DLG1: variants seen among roughly 807,000 people sequenced by gnomAD.
DLG1 encodes discs large MAGUK scaffold protein 1.
Under a neutral mutation model 123.4 loss-of-function variants are expected in DLG1, and 42 were observed. That is an observed-to-expected ratio of 0.34 (90% CI 0.27 to 0.44). DLG1 has a LOEUF of 0.44. Among genes scored for constraint, DLG1 ranks in the 20% least tolerant of loss-of-function variants. The probability of loss-of-function intolerance (pLI) is 1.00; values close to 1 mark genes in which losing one functional copy is unlikely to be tolerated. For missense variants in DLG1, 942 were observed against 1,082.6 expected (o/e 0.87, Z 1.82); for synonymous variants, 317 against 356.2 (o/e 0.89, Z 1.24).
intron 17 of DLG1, among the ~76,000 whole-genome samples, chr3:197,080,265 T>C (rs1047512439): frequency 4.7e-5 from 6 of 127,910 alleles, no homozygotes; most frequent in African/African-American, 1.7e-4. Context: ...TTGATATATT[T>C]CCTTTTTTTT....
chr3:197,129,973 T>C (rs1180577217), intron 11 of DLG1, among the ~76,000 whole-genome samples: 1 of 152,160 alleles, frequency 6.6e-6, no homozygotes, highest in Non-Finnish European at 1.5e-5. Context: ...AAGTTTGAAA[T>C]ATTGCGAGAT....
intron 13 of DLG1, among the ~76,000 whole-genome samples, chr3:197,110,947 A>G (rs1015703817): frequency 6.6e-6 from 1 of 152,078 alleles, no homozygotes. Flanking sequence ...GTCTTTCCTG[A>G]GCATGCGCAC....
At chr3:197,228,648 C>G (rs1474913156) in intron 4 of DLG1, among the ~76,000 whole-genome samples, 3 of 152,084 alleles carry the variant, frequency 2.0e-5, no homozygotes, top group Admixed American at 2.0e-4. Flanking sequence ...GGAAAAATGA[C>G]TAATTTTGAC....
chr3:197,184,445 C>T (rs1386897171), intron 5 of DLG1, among the ~76,000 whole-genome samples: 2 of 152,218 alleles, frequency 1.3e-5, no homozygotes. Flanking sequence ...GCAGATCTTA[C>T]ACATTATCTG....
intron 4 of DLG1, among the ~76,000 whole-genome samples, chr3:197,209,008 G>A (rs1353601070): frequency 2.1e-5 from 3 of 145,470 alleles, no homozygotes; most frequent in Non-Finnish European, 4.6e-5. Flanking sequence ...ATTACTAGAA[G>A]TAATTTAGTA....
At chr3:197,273,071 TA>T (rs1299027645) in intron 4 of DLG1, among the ~76,000 whole-genome samples, 1 of 152,024 alleles carries the variant, frequency 6.6e-6, no homozygotes, top group East Asian at 1.9e-4. Flanking sequence ...ATGCAGTAAT[TA>T]ATCAACCTAT....
At chr3:197,297,716 G>C (rs1433284478) in intron 1 of DLG1, 6 of 987,506 alleles carry the variant, frequency 6.1e-6, no homozygotes, top group Non-Finnish European at 7.2e-6. Flanking sequence ...AGCGGGGGCC[G>C]GACAGGGCAG....
intron 17 of DLG1, among the ~76,000 whole-genome samples, chr3:197,077,347 G>A (rs1747954105): frequency 6.6e-6 from 1 of 152,046 alleles, no homozygotes; most frequent in Non-Finnish European, 1.5e-5. Context: ...AGCACACAGA[G>A]TCCAGCAAGA....
At chr3:197,146,502 T>TA (rs754017023) in intron 6 of DLG1, among the ~76,000 whole-genome samples, 2 of 152,096 alleles carry the variant, frequency 1.3e-5, no homozygotes, top group African/African-American at 2.4e-5. Flanking sequence ...GCCAAATACT[T>TA]ACAGCCACCT....
chr3:197,053,641 G>A (rs901469931), intron 23 of DLG1, among the ~76,000 whole-genome samples: 1 of 151,908 alleles, frequency 6.6e-6, no homozygotes, highest in African/African-American at 2.4e-5. Flanking sequence ...GCACAGTGGT[G>A]AGTCCCTGTA....
chr3:197,135,214 G>A (rs1323535094), intron 10 of DLG1, among the ~76,000 whole-genome samples: 2 of 152,196 alleles, frequency 1.3e-5, no homozygotes, highest in African/African-American at 2.4e-5. Flanking sequence ...AAGGAACATG[G>A]ACTGAGACAG....
Position 197,159,556 on chromosome 3 carries a change from A to G in DLG1, c.484-9760T>C, listed in dbSNP as rs1310783927. On this transcript the variant is annotated intron_variant, in intron 5 of 24. Coordinates refer to ENST00000667157, the MANE Select transcript of DLG1 (RefSeq NM_001366207.1). ...ATCCTAACGCATCTAAATGTAAAGTAGTGGATCTTTTAAGAATACATATTC... is the reference window on the plus strand; with the variant it reads ...ATCCTAACGCATCTAAATGTAAAGTGGTGGATCTTTTAAGAATACATATTC... Among the ~76,000 whole-genome samples, 4 of 152,330 alleles carry G rather than the reference A, an allele frequency of 2.6e-5. No individual in the cohort carries two copies. The East Asian group carries it at 7.7e-4, about 29-fold the overall frequency.
chr3:197,217,789 G>A (rs1734859040), intron 4 of DLG1, among the ~76,000 whole-genome samples: 1 of 152,164 alleles, frequency 6.6e-6, no homozygotes, highest in South Asian at 2.1e-4. Flanking sequence ...AACAGGGAAG[G>A]ACAGGAGGGA....
At chr3:197,198,217 C>T (rs185986860) in intron 4 of DLG1, among the ~76,000 whole-genome samples, 23 of 152,238 alleles carry the variant, frequency 1.5e-4, no homozygotes, top group African/African-American at 5.3e-4. Context: ...GGGCCAGGTG[C>T]GGTGGCTCAC....
intron 4 of DLG1, among the ~76,000 whole-genome samples, chr3:197,278,835 T>C (rs1767829623): frequency 6.6e-6 from 1 of 152,162 alleles, no homozygotes; most frequent in African/African-American, 2.4e-5. Context: ...TGAGCAATCT[T>C]AACTACTTTT....
At position 197,235,538 on chromosome 3, in the gene DLG1, A is replaced by G. The variant is rs146017354; in HGVS notation, c.319-40949T>C. ...CTTGTAGTAATCAGTGGACACTCCT[A>G]GACAGTCAAGCCTTAGCATTAAGGC... On this transcript the variant is annotated intron_variant, in intron 4 of 24. Coordinates refer to ENST00000667157, the MANE Select transcript of DLG1 (RefSeq NM_001366207.1). Among the ~76,000 whole-genome samples, 292 of 152,354 alleles carry G rather than the reference A, an allele frequency of 1.9e-3. 6 individuals carry two copies. The highest frequency in any genetic ancestry group is 2.3e-3 in the Non-Finnish European group (157 of 68,032).
intron 3 of DLG1, among the ~76,000 whole-genome samples, chr3:197,284,854 G>GC (rs150794623): frequency 0.048 from 7,255 of 151,978 alleles, 253 homozygotes; most frequent in Non-Finnish European, 0.08. Context: ...TTCATAATCT[G>GC]CAAGTGCTTT....
chr3:197,274,750 T>C (rs928393907), intron 4 of DLG1, among the ~76,000 whole-genome samples: 3 of 152,070 alleles, frequency 2.0e-5, no homozygotes, highest in Non-Finnish European at 4.4e-5. Context: ...CCAGAATATA[T>C]AAGGAGCAAC....
intron 1 of DLG1, chr3:197,298,023 C>T: frequency 1.3e-6 from 1 of 756,284 alleles, no homozygotes; most frequent in Non-Finnish European, 1.6e-6. Context: ...CCGCGGCCCC[C>T]CGGCCCGCTC....
Sources: allele counts gnomAD v4.1 joint callset (sites outside exome capture counted in the v4.1 genomes callset), GRCh38; gene constraint gnomAD v4.1.1; transcripts MANE v1.5; gene names NCBI Gene and HGNC (gene_info 2026-07-23, HGNC 2026-07-21).